The following KCNN2 variants were observed in gnomAD, a reference collection of about 807,000 sequenced individuals.
KCNN2 encodes small conductance calcium-activated potassium channel protein 2.
Under a neutral mutation model 55.5 loss-of-function variants are expected in KCNN2, and 24 were observed. The ratio of observed to expected loss-of-function variants is 0.43; its 90% CI spans 0.31 to 0.61. KCNN2 has a LOEUF of 0.61. KCNN2 is among the 20% of genes least tolerant of loss of function. KCNN2 has a pLI of 0.08. For missense variants in KCNN2, 754 were observed against 853.6 expected (o/e 0.88, Z 1.45); for synonymous variants, 431 against 336.1 (o/e 1.28, Z -3.09).
chr5:114,317,125 T>G (rs936258754), intron 2 of KCNN2, among the ~76,000 whole-genome samples: 24 of 152,162 alleles, frequency 1.6e-4, no homozygotes, highest in African/African-American at 5.8e-4. Flanking sequence ...CCTATGCTAT[T>G]ACTATAACTT....
intron 3 of KCNN2, among the ~76,000 whole-genome samples, chr5:114,447,127 C>A (rs759534430): frequency 6.6e-6 from 1 of 152,116 alleles, no homozygotes; most frequent in Non-Finnish European, 1.5e-5. Context: ...GCTTCCAGGT[C>A]AGATATTTCC....
chr5:114,353,328 A>G (rs1757246440), intron 2 of KCNN2, among the ~76,000 whole-genome samples: 1 of 151,662 alleles, frequency 6.6e-6, no homozygotes, highest in Admixed American at 6.6e-5. Flanking sequence ...TGTGAATTCA[A>G]ATTACCATCT....
intron 2 of KCNN2, among the ~76,000 whole-genome samples, chr5:114,250,316 A>G (rs978416464): frequency 2.0e-5 from 3 of 152,172 alleles, no homozygotes; most frequent in Non-Finnish European, 2.9e-5. Flanking sequence ...GAACTGGGGA[A>G]CTTGACAGAG....
At chr5:114,440,020 A>G (rs949679811) in intron 3 of KCNN2, among the ~76,000 whole-genome samples, 2 of 152,288 alleles carry the variant, frequency 1.3e-5, no homozygotes, top group South Asian at 4.1e-4. Flanking sequence ...ACTCAGGTTC[A>G]GCTGGGTTTT....
intron 1 of KCNN2, among the ~76,000 whole-genome samples, chr5:114,111,539 C>T (rs368398347): frequency 6.6e-6 from 1 of 152,154 alleles, no homozygotes. Flanking sequence ...TCAGAGTGAA[C>T]AGGCAACCTA....
chr5:114,214,992 C>G (rs1753972644), intron 1 of KCNN2, among the ~76,000 whole-genome samples: 1 of 151,912 alleles, frequency 6.6e-6, no homozygotes, highest in Non-Finnish European at 1.5e-5. Flanking sequence ...TATTTGGAAC[C>G]AAGATCAGAG....
intron 2 of KCNN2, among the ~76,000 whole-genome samples, chr5:114,374,425 A>C (rs1757874428): frequency 1.3e-5 from 2 of 152,160 alleles, no homozygotes; most frequent in Non-Finnish European, 2.9e-5. Flanking sequence ...ATTTAAATAA[A>C]AGGTGCTTTT....
intron 2 of KCNN2, among the ~76,000 whole-genome samples, chr5:114,393,971 A>G (rs912519828): frequency 9.0e-6 from 1 of 110,826 alleles, no homozygotes; most frequent in African/African-American, 4.3e-5. Flanking sequence ...GCAACAAATA[A>G]TCATGTACAT....
At chr5:114,279,343 GCA>G (rs1468903731) in intron 2 of KCNN2, among the ~76,000 whole-genome samples, 1 of 151,678 alleles carries the variant, frequency 6.6e-6, no homozygotes, top group Non-Finnish European at 1.5e-5. Flanking sequence ...GGGTACATGT[GCA>G]CAGTGTGCAG....
intron 2 of KCNN2, among the ~76,000 whole-genome samples, chr5:114,390,685 A>G (rs1758426579): frequency 6.6e-6 from 1 of 152,118 alleles, no homozygotes; most frequent in East Asian, 1.9e-4. Context: ...GCTTGACTCA[A>G]TTCCAGAGTG....
intron 2 of KCNN2, among the ~76,000 whole-genome samples, chr5:114,385,874 C>A (rs1409515486): frequency 6.6e-6 from 1 of 151,182 alleles, no homozygotes; most frequent in Non-Finnish European, 1.5e-5. Flanking sequence ...AATTATACAA[C>A]TGTTTCTTAA....
At chr5:114,195,572 T>A (rs1237044622) in intron 1 of KCNN2, among the ~76,000 whole-genome samples, 7 of 152,038 alleles carry the variant, frequency 4.6e-5, no homozygotes, top group Non-Finnish European at 8.8e-5. Context: ...ATTCTAATAG[T>A]CTTTTATTTA....
chr5:114,292,890 T>C (rs1755925755), intron 2 of KCNN2, among the ~76,000 whole-genome samples: 1 of 152,236 alleles, frequency 6.6e-6, no homozygotes. Flanking sequence ...GTAGTTCTCC[T>C]TGAAGAGGTC....
intron 2 of KCNN2, among the ~76,000 whole-genome samples, chr5:114,401,815 G>A (rs183590392): frequency 1.2e-4 from 19 of 152,358 alleles, no homozygotes; most frequent in Admixed American, 1.2e-3. Context: ...GGAGATGTAA[G>A]TAGAATAGTA....
intron 1 of KCNN2, among the ~76,000 whole-genome samples, chr5:114,101,151 A>C (rs1032992656): frequency 1.3e-5 from 2 of 151,920 alleles, no homozygotes; most frequent in Non-Finnish European, 2.9e-5. Context: ...TTTTGGATAT[A>C]ATTTGCTTGG....
At chr5:114,240,592 C>T (rs553659834) in intron 2 of KCNN2, among the ~76,000 whole-genome samples, 5 of 151,982 alleles carry the variant, frequency 3.3e-5, no homozygotes, top group South Asian at 2.1e-4. Flanking sequence ...TCACCATGCC[C>T]GTCTAATTTT....
intron 2 of KCNN2, among the ~76,000 whole-genome samples, chr5:114,384,684 C>T (rs1465970773): frequency 2.6e-5 from 4 of 152,160 alleles, no homozygotes; most frequent in African/African-American, 9.7e-5. Context: ...TAATTGCATA[C>T]GACCAGTAGG....
In KCNN2 at chr5:114,493,389, A is replaced by T. The variant is rs763834162; in HGVS notation, c.2019-14A>T. The T allele has an allele frequency of 9.2e-6, 14 of 1,517,116 alleles. 1 individual carries two copies. The South Asian group carries it at 1.5e-4, about 16-fold the overall frequency. The allele number at this position is 1,517,116 out of a possible 1,614,324, so 94.0% of individuals were successfully genotyped here. A position where few individuals can be genotyped will look rare whatever the true frequency, so the allele number is the denominator to read the frequency against. On this transcript the variant is annotated splice_polypyrimidine_tract_variant and intron_variant, in intron 6 of 7. Transcript: ENST00000673685. ...AAGAAGGGAACCTTTCTGATACCAG[A>T]TTCTATCTTTTAGATTAAGAAGTGT...
chr5:114,399,918 GTTTTT>G (rs573469798), intron 2 of KCNN2, among the ~76,000 whole-genome samples: 1 of 129,574 alleles, frequency 7.7e-6, no homozygotes, highest in Non-Finnish European at 1.6e-5. Context: ...GCCTTTGAGG[GTTTTT>G]TTTTTTGTTT....
Sources: gnomAD v4.1 joint callset for allele counts (sites outside exome capture counted in the v4.1 genomes callset) on GRCh38, gnomAD v4.1.1 for gene constraint, MANE v1.5 for transcripts, NCBI Gene and HGNC (gene_info 2026-07-23, HGNC 2026-07-21) for gene names.